The following DAB2 variants were observed in gnomAD, a reference collection of about 807,000 sequenced individuals.
DAB2 encodes the protein disabled homolog 2.
DAB2 carries 28 observed loss-of-function variants against 71.6 expected under a neutral mutation model. The ratio of observed to expected loss-of-function variants is 0.39; its 90% CI spans 0.29 to 0.54. The LOEUF (loss-of-function observed/expected upper bound fraction) is 0.54. Ranked by LOEUF, DAB2 falls within the 20% of genes least tolerant of loss-of-function variation. The pLI is 0.68. For missense variants in DAB2, 867 were observed against 928.8 expected (o/e 0.93, Z 0.86); for synonymous variants, 345 against 339.7 (o/e 1.02, Z -0.17).
chr5:39,376,101 G>T lies in DAB2; in HGVS notation c.2143C>A (p.Pro715Thr). ...GAAACTTGTCTGGGAGCTGGCTTTG[G>T]TGGTTCTAGAAGGTAAAAAATCCAG... ...NQLLNKINEP[P>T]KPAPRQVSLP... is the part of the protein sequence containing the mutation. The change falls in exon 13 of 15, where the codon CCA becomes ACA. Residue 715 changes from proline (P) to threonine (T), a missense_variant. Coordinates refer to ENST00000320816, the MANE Select transcript of DAB2 (RefSeq NM_001343.4). 1.2e-6 allele frequency: 2 copies of T among 1,613,708 alleles called. No homozygotes were observed. Among genetic ancestry groups the T allele is most frequent in the African/African-American group, 1.3e-5 (1 of 74,998 alleles).
chr5:39,393,413 C>T lies in DAB2; in HGVS notation c.92-20G>A, dbSNP rs1398702016. The T allele has an allele frequency of 1.2e-6, 2 of 1,613,048 alleles. No homozygotes were observed. The highest frequency in any genetic ancestry group is 1.3e-5 in the African/African-American group (1 of 74,990). The stretch of plus-strand genomic sequence containing the variant: ...CAGGGCCTGAGAAAAGAAAGGAATA[C>T]AGGATGAAGAATGCTAGTTCTAATT... On this transcript the variant is annotated intron_variant, in intron 2 of 14. Coordinates refer to ENST00000320816, the MANE Select transcript of DAB2 (RefSeq NM_001343.4).
intron 1 of DAB2, among the ~76,000 whole-genome samples, chr5:39,401,821 C>T (rs191905001): frequency 0.015 from 2,238 of 151,578 alleles, 41 homozygotes; most frequent in African/African-American, 0.052. Context: ...GGTGCGATCT[C>T]GGCTCACTGC....
At chr5:39,420,448 T>C (rs1222294809) in intron 1 of DAB2, among the ~76,000 whole-genome samples, 1 of 152,094 alleles carries the variant, frequency 6.6e-6, no homozygotes, top group Non-Finnish European at 1.5e-5. Context: ...TACTCTATGG[T>C]TACCTGAAAA....
intron 11 of DAB2, among the ~76,000 whole-genome samples, chr5:39,378,870 G>A (rs1211860089): frequency 6.6e-6 from 1 of 152,146 alleles, no homozygotes; most frequent in Non-Finnish European, 1.5e-5. Flanking sequence ...CACGGATACA[G>A]AAATTAGACT....
At chr5:39,395,691 A>G (rs1037031754) in intron 1 of DAB2, among the ~76,000 whole-genome samples, 7 of 152,106 alleles carry the variant, frequency 4.6e-5, no homozygotes, top group Non-Finnish European at 7.4e-5. Context: ...GAATTGCTTC[A>G]TTTGGAGATT....
chr5:39,373,625 C>T (rs1236362086), intron 14 of DAB2, among the ~76,000 whole-genome samples, 200 bp from the exon 15 acceptor site: 2 of 152,122 alleles, frequency 1.3e-5, no homozygotes, highest in South Asian at 2.1e-4. Context: ...TATTTTATCC[C>T]ATGAGAGTTC....
chr5:39,391,890 A>G (rs1345530406), intron 4 of DAB2, among the ~76,000 whole-genome samples: 1 of 151,354 alleles, frequency 6.6e-6, no homozygotes, highest in African/African-American at 2.4e-5. Context: ...TTAGCCGGTA[A>G]GTTCACATGT....
chr5:39,417,729 A>G (rs1755880053), intron 1 of DAB2: 1 of 152,196 alleles, frequency 6.6e-6, no homozygotes, highest in South Asian at 2.1e-4. Context: ...TTCAATTACT[A>G]TCAACTTTTA....
Position 39,375,982 on chromosome 5 carries a change from G to A in DAB2, c.2247+15C>T, listed in dbSNP as rs1345632666. ...CATGTACTTTGGAGAAGAGCTTCTA[G>A]TAGTTCATACTTACAGAGGCTTGTG... On this transcript the variant is annotated intron_variant, in intron 13 of 14. Transcript: ENST00000320816. The A allele has an allele frequency of 2.5e-6, 4 of 1,589,046 alleles. No individual in the cohort carries two copies. The South Asian group carries it at 4.4e-5, about 18-fold the overall frequency.
rs556490493 is a variant in DAB2, at chr5:39,372,753, G to C, written c.*678C>G. 7.2e-5 allele frequency: 11 copies of C among 151,926 alleles called. No individual in the cohort carries two copies. Among genetic ancestry groups the C allele is most frequent in the Non-Finnish European group, 1.6e-4 (11 of 67,994 alleles). 9.4% of individuals were successfully genotyped at this position (151,926 alleles called of 1,614,324 possible). ...AAAAAGGGGAGGAGAGATGAATAAT[G>C]TTCTTCCCTCATTTGCAATAGCTAG... is the stretch of plus-strand genomic sequence containing the variant. On this transcript the variant is annotated 3_prime_UTR_variant, in exon 15 of 15. Transcript: ENST00000320816.
At chr5:39,414,968 G>A (rs1755815118) in intron 1 of DAB2, among the ~76,000 whole-genome samples, 1 of 152,076 alleles carries the variant, frequency 6.6e-6, no homozygotes, top group Admixed American at 6.6e-5. Flanking sequence ...GTTAGGTAGG[G>A]GAGAAAGAAC....
Position 39,372,079 on chromosome 5 carries a change from C to T in DAB2, c.*1352G>A, listed in dbSNP as rs963999580. 6 of 152,142 alleles carry T rather than the reference C, an allele frequency of 3.9e-5. No homozygotes were observed. The highest frequency in any genetic ancestry group is 2.1e-4 in the South Asian group (1 of 4,820). 9.4% of individuals were successfully genotyped at this position (152,142 alleles called of 1,614,324 possible). ...TGTGGCTGATTAACTCCCACAAGAA[C>T]CTGAGCATTAAGGGTCAAGAGACAA... On this transcript the variant is annotated 3_prime_UTR_variant, in exon 15 of 15. Coordinates refer to ENST00000320816, the MANE Select transcript of DAB2 (RefSeq NM_001343.4).
At chr5:39,403,702 T>G (rs1368721476) in intron 1 of DAB2, among the ~76,000 whole-genome samples, 1 of 149,172 alleles carries the variant, frequency 6.7e-6, no homozygotes, top group Non-Finnish European at 1.5e-5. Flanking sequence ...CCTTTTAGTT[T>G]TAGTTTTTTT....
intron 2 of DAB2, among the ~76,000 whole-genome samples, chr5:39,393,982 A>G (rs1755296277): frequency 6.6e-6 from 1 of 152,262 alleles, no homozygotes; most frequent in Non-Finnish European, 1.5e-5. Context: ...TTAACTGAAC[A>G]AGATGCCATG....
At chr5:39,380,458 G>A (rs558448202) in intron 11 of DAB2, among the ~76,000 whole-genome samples, 3 of 152,316 alleles carry the variant, frequency 2.0e-5, no homozygotes, top group South Asian at 2.1e-4. Flanking sequence ...AGATTTTACC[G>A]AAGGAGAGGA....
chr5:39,403,176 A>G (rs1466049737), intron 1 of DAB2, among the ~76,000 whole-genome samples: 1 of 152,218 alleles, frequency 6.6e-6, no homozygotes, highest in Admixed American at 6.5e-5. Flanking sequence ...TGGAAGAAAA[A>G]TAGAGAATAA....
chr5:39,398,985 T>C lies in DAB2; in HGVS notation c.-101-4564A>G, dbSNP rs566100260. The stretch of plus-strand genomic sequence containing the variant: ...TTAGCAGGGTTTTTAATGAGTTGAA[T>C]TTAAAAAAGGGATTGGGCCTAGAAA... On this transcript the variant is annotated intron_variant, in intron 1 of 14. Coordinates refer to ENST00000320816, the MANE Select transcript of DAB2 (RefSeq NM_001343.4). Among the ~76,000 whole-genome samples, 3 of 152,240 alleles carry C rather than the reference T, an allele frequency of 2.0e-5. No homozygotes were observed. The South Asian group carries it at 6.2e-4, about 32-fold the overall frequency.
At chr5:39,401,032 G>C (rs140878169) in intron 1 of DAB2, among the ~76,000 whole-genome samples, 1 of 152,178 alleles carries the variant, frequency 6.6e-6, no homozygotes, top group Non-Finnish European at 1.5e-5. Context: ...CATTACCAGC[G>C]ATGCTGTAGC....
chr5:39,400,294 G>A (rs550228083), intron 1 of DAB2, among the ~76,000 whole-genome samples: 9 of 151,288 alleles, frequency 5.9e-5, no homozygotes, highest in South Asian at 2.1e-4. Context: ...GTGCAGTGGC[G>A]CAATCTCGGC....
Sources: gnomAD v4.1 joint callset for allele counts (sites outside exome capture counted in the v4.1 genomes callset) on GRCh38, gnomAD v4.1.1 for gene constraint, MANE v1.5 for transcripts, NCBI Gene and HGNC (gene_info 2026-07-23, HGNC 2026-07-21) for gene names.